The following YES1 variants were observed in gnomAD, a reference collection of about 807,000 sequenced individuals.
The protein encoded by YES1 is YES proto-oncogene 1, Src family tyrosine kinase, also known as tyrosine-protein kinase Yes.
Under a neutral mutation model 70.4 loss-of-function variants are expected in YES1, and 39 were observed. The observed-to-expected ratio is 0.55, with a 90% confidence interval of 0.43 to 0.72. The LOEUF (loss-of-function observed/expected upper bound fraction) is 0.72. Ranked by LOEUF, YES1 falls within the 30% of genes least tolerant of loss-of-function variation. The pLI, the probability that YES1 is intolerant of heterozygous loss-of-function variation, is 0.00. For synonymous variants in YES1, 198 were observed against 218.6 expected (o/e 0.91, Z 0.83); for missense variants, 495 against 644.8 (o/e 0.77, Z 2.52).
chr18:791,587 A>T (rs1192636803), intron 1 of YES1, among the ~76,000 whole-genome samples: 1 of 152,246 alleles, frequency 6.6e-6, no homozygotes, highest in Non-Finnish European at 1.5e-5. Context: ...TGTGAACCAC[A>T]AATACAAACC....
At chr18:725,086 T>C (rs1298689054) in intron 11 of YES1, among the ~76,000 whole-genome samples, 1 of 152,238 alleles carries the variant, frequency 6.6e-6, no homozygotes, top group South Asian at 2.1e-4. Context: ...TATATTGAAT[T>C]ACTTCTGTGA....
At chr18:787,514 A>C (rs1276222242) in intron 1 of YES1, among the ~76,000 whole-genome samples, 1 of 152,068 alleles carries the variant, frequency 6.6e-6, no homozygotes, top group African/African-American at 2.4e-5. Flanking sequence ...GTTCGAGACC[A>C]ACCTGGCCAA....
intron 1 of YES1, 44 bp from the exon 2 acceptor site, chr18:756,879 G>C (rs1239463780): frequency 1.3e-6 from 2 of 1,531,310 alleles, no homozygotes; most frequent in Non-Finnish European, 1.8e-6. Flanking sequence ...TAACACACAG[G>C]ATACTTCAAA....
chr18:745,991 A>C lies in YES1; in HGVS notation c.531T>G (p.Asn177Lys). Reference protein sequence around the residue: ...DAERLLLNPGNQRGIFLVRES... With the variant: ...DAERLLLNPGKQRGIFLVRES... ...CTCTTACTAAGAAAATACCTCGTTG[A>C]TTTCCAGGATTCAAAAGTAATCTTT... The change falls in exon 5 of 12, where the codon AAT becomes AAG. Residue 177 changes from asparagine (N) to lysine (K), a missense_variant. Asn to Lys is a moderately conservative substitution (Grantham distance 94, BLOSUM62 0). Transcript: ENST00000314574. 1.9e-6 allele frequency: 3 copies of C among 1,613,140 alleles called. No homozygotes were observed. In the South Asian group the frequency reaches 3.3e-5, roughly 18 times the overall value.
At chr18:737,051 T>A in intron 9 of YES1, 90 bp from the exon 10 acceptor site, 1 of 1,101,540 alleles carries the variant, frequency 9.1e-7, no homozygotes, top group East Asian at 2.6e-5. Flanking sequence ...ATTGTGTCAC[T>A]GAAAATCATA....
rs2079987569 is a variant in YES1, at chr18:723,876, C to A, written c.*548G>T. ...TCCTGTTTATATTCCTTTTGAAAAA[C>A]CTGGCCCATGTCCATGCAAAAGAAA... is the stretch of plus-strand genomic sequence containing the variant. On this transcript the variant is annotated 3_prime_UTR_variant, in exon 12 of 12. Coordinates refer to ENST00000314574, the MANE Select transcript of YES1 (RefSeq NM_005433.4). The A allele has an allele frequency of 6.5e-6, 1 of 153,570 alleles. No individual in the cohort carries two copies. The highest frequency in any genetic ancestry group is 2.0e-4 in the South Asian group (1 of 4,888). The allele number at this position is 153,570 out of a possible 1,614,324, so 9.5% of individuals were successfully genotyped here.
At chr18:805,858 G>A (rs1907071796) in intron 1 of YES1, among the ~76,000 whole-genome samples, 1 of 152,068 alleles carries the variant, frequency 6.6e-6, no homozygotes, top group African/African-American at 2.4e-5. Flanking sequence ...TCTACTTAAT[G>A]CTAAGAAACT....
chr18:736,877 G>A lies in YES1; in HGVS notation c.1222C>T (p.Leu408Phe). 6.2e-7 allele frequency: 1 copy of A among 1,612,540 alleles called. No individual in the cohort carries two copies. Among genetic ancestry groups the A allele is most frequent in the East Asian group, 2.2e-5 (1 of 44,828 alleles). Residue 408 changes from leucine to phenylalanine, a missense_variant, in exon 10 of 12, where the codon CTT becomes TTT. Leu to Phe is a conservative substitution (Grantham distance 22). Around this residue, in one of 2 missense-constraint regions of YES1, gnomAD observed 385 missense variants for 540.9 expected, o/e 0.71. Coordinates refer to ENST00000314574, the MANE Select transcript of YES1 (RefSeq NM_005433.4). Reference protein sequence around the residue: ...RAANILVGENLVCKIADFGLA... With the variant: ...RAANILVGENFVCKIADFGLA... ...CCAAAGTCTGCTATTTTGCACACAA[G>A]ATTTTCTCCTACAAGAATATTAGCA...
rs1455835215 is a variant in YES1, at chr18:804,291, A to G, written c.-9+7823T>C. ...AACTATCCACTTCAACAGAATAATT[A>G]AGTCATTTTTCTAATTTTATTACGA... is the stretch of plus-strand genomic sequence containing the variant. On this transcript the variant is annotated intron_variant, in intron 1 of 11. Transcript: ENST00000314574. Among the ~76,000 whole-genome samples, 4 of 152,220 alleles carry G rather than the reference A, an allele frequency of 2.6e-5. No individual in the cohort carries two copies. The East Asian group carries it at 7.7e-4, about 29-fold the overall frequency.
rs1316285371 is a variant in YES1, at chr18:722,191, T to G, written c.*2233A>C. On this transcript the variant is annotated 3_prime_UTR_variant, in exon 12 of 12. Transcript: ENST00000314574. Reference sequence around the variant, plus strand: ...AAAAATTACAATATCATAGTTCACATAAAGCCCTTAAAAAATCTCATGTCA... The same window carrying G: ...AAAAATTACAATATCATAGTTCACAGAAAGCCCTTAAAAAATCTCATGTCA... The G allele has an allele frequency of 6.6e-6, 1 of 152,570 alleles. No homozygotes were observed. Among genetic ancestry groups the G allele is most frequent in the African/African-American group, 2.4e-5 (1 of 41,430 alleles). 9.5% of individuals were successfully genotyped at this position (152,570 alleles called of 1,614,324 possible).
chr18:804,975 G>A (rs1907026588), intron 1 of YES1, among the ~76,000 whole-genome samples: 1 of 149,502 alleles, frequency 6.7e-6, no homozygotes, highest in Admixed American at 6.7e-5. Flanking sequence ...TTAATTAGTA[G>A]AACTGCAATT....
At chr18:790,952 A>T (rs574269579) in intron 1 of YES1, among the ~76,000 whole-genome samples, 45 of 152,226 alleles carry the variant, frequency 3.0e-4, no homozygotes, top group Non-Finnish European at 6.0e-4. Flanking sequence ...TCAAAAAAAT[A>T]TTTTTTTAAA....
intron 8 of YES1, 123 bp from the exon 9 acceptor site, chr18:739,934 G>A (rs2080198206): frequency 3.9e-6 from 3 of 761,346 alleles, no homozygotes; most frequent in Non-Finnish European, 6.0e-6. Context: ...TTTAAATTTT[G>A]TGCAGTTTTG....
intron 9 of YES1, among the ~76,000 whole-genome samples, chr18:737,820 A>G (rs780007471): frequency 6.6e-6 from 1 of 152,184 alleles, no homozygotes; most frequent in Non-Finnish European, 1.5e-5. Context: ...TCTGGGCTCA[A>G]GCAATTTTCC....
chr18:804,918 A>AAAAAAAC (rs1907019472), intron 1 of YES1, among the ~76,000 whole-genome samples: 1 of 151,422 alleles, frequency 6.6e-6, no homozygotes, highest in Non-Finnish European at 1.5e-5. Flanking sequence ...TGACTCAAAA[A>AAAAAAAC]AAAAAAACAC....
intron 1 of YES1, among the ~76,000 whole-genome samples, chr18:798,543 T>C (rs1009624145): frequency 7.9e-5 from 12 of 152,154 alleles, no homozygotes; most frequent in African/African-American, 2.7e-4. Flanking sequence ...GGTGAGAAGA[T>C]GCATAGGGGA....
intron 1 of YES1, among the ~76,000 whole-genome samples, chr18:772,684 G>T (rs1469961355): frequency 2.0e-5 from 3 of 151,906 alleles, no homozygotes; most frequent in African/African-American, 7.3e-5. Flanking sequence ...CACCTGCCTC[G>T]GCCTCTCAAA....
intron 1 of YES1, among the ~76,000 whole-genome samples, chr18:783,209 C>T (rs1905764196): frequency 6.6e-6 from 1 of 151,976 alleles, no homozygotes; most frequent in African/African-American, 2.4e-5. Context: ...ATAGCTAGAC[C>T]CCATCTCTTA....
At chr18:756,081 G>A (rs2080402697) in intron 2 of YES1, among the ~76,000 whole-genome samples, 1 of 152,104 alleles carries the variant, frequency 6.6e-6, no homozygotes, top group African/African-American at 2.4e-5. Context: ...AACTGTCTGA[G>A]CTTTAGGATT....
Sources: gnomAD v4.1 joint callset for allele counts (sites outside exome capture counted in the v4.1 genomes callset) on GRCh38, gnomAD v4.1.1 for gene constraint, gnomAD v4.1.1 regional missense constraint, MANE v1.5 for transcripts, NCBI Gene and HGNC (gene_info 2026-07-23, HGNC 2026-07-21) for gene names.